Variants in SLC2A13 observed in about 807,000 individuals in gnomAD.
SLC2A13 encodes solute carrier family 2 member 13.
Under a neutral mutation model 64.4 loss-of-function variants are expected in SLC2A13, and 32 were observed. The ratio of observed to expected loss-of-function variants is 0.50; its 90% CI spans 0.37 to 0.67. The LOEUF (loss-of-function observed/expected upper bound fraction) is 0.67. SLC2A13 is among the 30% of genes least tolerant of loss of function. The probability of loss-of-function intolerance (pLI) is 0.00; values close to 1 mark genes in which losing one functional copy is unlikely to be tolerated. For missense variants in SLC2A13, 743 were observed against 829.2 expected (o/e 0.90, Z 1.28); for synonymous variants, 338 against 327.1 (o/e 1.03, Z -0.36).
At chr12:39,794,870 A>G (rs1941523887) in intron 7 of SLC2A13, among the ~76,000 whole-genome samples, 2 of 152,204 alleles carry the variant, frequency 1.3e-5, no homozygotes, top group South Asian at 2.1e-4. Context: ...ATAAAATTAA[A>G]TTCTCTTCTG....
intron 1 of SLC2A13, among the ~76,000 whole-genome samples, chr12:40,066,755 G>A (rs533009643): frequency 6.6e-6 from 1 of 152,246 alleles, no homozygotes; most frequent in South Asian, 2.1e-4. Flanking sequence ...GGGTTTGTCA[G>A]GCAGTTTCAT....
chr12:39,895,452 T>C (rs1447479624), intron 4 of SLC2A13, among the ~76,000 whole-genome samples: 3 of 127,692 alleles, frequency 2.3e-5, no homozygotes, highest in African/African-American at 9.2e-5. Context: ...ATCGTGCCAC[T>C]GCACTCCAGC....
At chr12:40,031,801 T>C (rs1396908336) in intron 2 of SLC2A13, among the ~76,000 whole-genome samples, 1 of 152,112 alleles carries the variant, frequency 6.6e-6, no homozygotes, top group East Asian at 1.9e-4. Context: ...AAGAGGCTGT[T>C]TTGCTGTGGT....
At chr12:39,818,480 T>A (rs1942400940) in intron 7 of SLC2A13, among the ~76,000 whole-genome samples, 1 of 152,200 alleles carries the variant, frequency 6.6e-6, no homozygotes. Flanking sequence ...GATGATGCTC[T>A]GAGTAATTAC....
At chr12:40,017,216 A>G (rs1381242570) in intron 3 of SLC2A13, among the ~76,000 whole-genome samples, 1 of 152,236 alleles carries the variant, frequency 6.6e-6, no homozygotes, top group African/African-American at 2.4e-5. Context: ...ACGTCAGGCA[A>G]TGACTGTATC....
At chr12:39,991,653 AC>A (rs767165533) in intron 3 of SLC2A13, among the ~76,000 whole-genome samples, 34 of 151,796 alleles carry the variant, frequency 2.2e-4, no homozygotes, top group Admixed American at 6.6e-4. Flanking sequence ...GCTGCTTTGG[AC>A]CCCCACCCAT....
intron 4 of SLC2A13, among the ~76,000 whole-genome samples, chr12:39,913,813 GA>G (rs1471718803): frequency 6.6e-6 from 1 of 151,740 alleles, no homozygotes. Context: ...GTATCAAGTA[GA>G]AAAAACTAAG....
intron 7 of SLC2A13, among the ~76,000 whole-genome samples, chr12:39,798,127 A>G (rs549048221): frequency 3.3e-5 from 5 of 152,344 alleles, no homozygotes; most frequent in Non-Finnish European, 5.9e-5. Flanking sequence ...AAGCTGCCCA[A>G]TGGAAAACTC....
chr12:39,834,275 C>CA lies in SLC2A13; in HGVS notation c.1320-4048dup, dbSNP rs972379976. On this transcript the variant is annotated intron_variant, in intron 6 of 9. Transcript: ENST00000280871. ...TTTTTTCTCCCTTACATCTTCTCAGCAAAAAACTGAAGGGACTAGGCATGA... is the reference window on the plus strand; with the variant it reads ...TTTTTTCTCCCTTACATCTTCTCAGCAAAAAAACTGAAGGGACTAGGCATGA... Among the ~76,000 whole-genome samples, 7 of 152,074 alleles carry CA rather than the reference C, an allele frequency of 4.6e-5. No individual in the cohort carries two copies. The East Asian group carries it at 1.2e-3, about 25-fold the overall frequency.
rs1191351690 is a variant in SLC2A13 at position 40,065,145 on chromosome 12, C to G, written c.557-16935G>C. 4.6e-5 allele frequency among the ~76,000 whole-genome samples: 7 copies of G among 152,084 alleles called. No individual in the cohort carries two copies. In the East Asian group the frequency reaches 1.3e-3, roughly 29 times the overall value. On this transcript the variant is annotated intron_variant, in intron 1 of 9. Transcript: ENST00000280871. Reference sequence around the variant, plus strand: ...ATCAGAAAGCAAAATGAAGGTAACTCCAGTCCACAGGAGGCTACCTGAACA... The same window carrying G: ...ATCAGAAAGCAAAATGAAGGTAACTGCAGTCCACAGGAGGCTACCTGAACA...
chr12:40,020,982 C>T (rs1272185983), intron 3 of SLC2A13, among the ~76,000 whole-genome samples: 1 of 151,524 alleles, frequency 6.6e-6, no homozygotes, highest in African/African-American at 2.4e-5. Context: ...TAGTATGAAC[C>T]TAACGGTAAG....
intron 7 of SLC2A13, among the ~76,000 whole-genome samples, chr12:39,774,604 T>A (rs1940706461): frequency 6.6e-6 from 1 of 151,628 alleles, no homozygotes; most frequent in Admixed American, 6.6e-5. Flanking sequence ...TTTTTTTGGT[T>A]TTGTAATTTT....
intron 7 of SLC2A13, chr12:39,819,665 T>G (rs1358216644): frequency 6.6e-6 from 1 of 152,236 alleles, no homozygotes; most frequent in African/African-American, 2.4e-5. Flanking sequence ...AATTTTGAAG[T>G]ATGCGTGTGT....
intron 2 of SLC2A13, among the ~76,000 whole-genome samples, chr12:40,047,200 T>C (rs926109016): frequency 5.3e-5 from 8 of 152,074 alleles, no homozygotes; most frequent in Non-Finnish European, 8.8e-5. Flanking sequence ...CCACACCCAG[T>C]CCACACCCTT....
intron 7 of SLC2A13, among the ~76,000 whole-genome samples, chr12:39,787,131 A>C (rs952610307): frequency 1.3e-5 from 2 of 152,144 alleles, no homozygotes; most frequent in Non-Finnish European, 2.9e-5. Context: ...ATTTAGATGG[A>C]TTTCGGTATA....
intron 1 of SLC2A13, among the ~76,000 whole-genome samples, chr12:40,071,211 G>C (rs1372089995): frequency 6.6e-6 from 1 of 152,088 alleles, no homozygotes; most frequent in Non-Finnish European, 1.5e-5. Flanking sequence ...CTTGATTACT[G>C]TCACTTTTTA....
In SLC2A13 at chr12:39,813,124, C is replaced by T. The variant is rs555953602; in HGVS notation, c.1445+16979G>A. ...CCTCCCAATGTGCTGGGATTACAGG[C>T]GTGACCCACTGTGCCCAGCCTATAG... On this transcript the variant is annotated intron_variant, in intron 7 of 9. Transcript: ENST00000280871. 5.8e-4 allele frequency among the ~76,000 whole-genome samples: 84 copies of T among 145,568 alleles called. 1 individual carries two copies. In the South Asian group the frequency reaches 0.017, roughly 30 times the overall value.
chr12:39,890,841 T>G (rs1036074743), intron 4 of SLC2A13, among the ~76,000 whole-genome samples: 1 of 152,080 alleles, frequency 6.6e-6, no homozygotes, highest in Non-Finnish European at 1.5e-5. Context: ...CTATGAAAAA[T>G]GTTTTAAAAT....
intron 3 of SLC2A13, among the ~76,000 whole-genome samples, chr12:39,965,936 C>T (rs1946503023): frequency 6.6e-6 from 1 of 151,980 alleles, no homozygotes; most frequent in Non-Finnish European, 1.5e-5. Context: ...TCCCTGAGTG[C>T]TCAGATTTAA....
Sources: allele counts gnomAD v4.1 joint callset (sites outside exome capture counted in the v4.1 genomes callset), GRCh38; gene constraint gnomAD v4.1.1; transcripts MANE v1.5; gene names NCBI Gene and HGNC (gene_info 2026-07-23, HGNC 2026-07-21).